Variants in FNIP1 observed in about 807,000 individuals in gnomAD.
FNIP1 encodes folliculin interacting protein 1.
In FNIP1, 40 loss-of-function variants were observed where a neutral mutation model predicts 124.5. The ratio of observed to expected loss-of-function variants is 0.32; its 90% CI spans 0.25 to 0.42. FNIP1 has a LOEUF of 0.42. Among genes scored for constraint, FNIP1 ranks in the 10% least tolerant of loss-of-function variants. FNIP1 has a pLI of 1.00. For missense variants in FNIP1, 1,176 were observed against 1,403.7 expected (o/e 0.84, Z 2.59); for synonymous variants, 472 against 470.6 (o/e 1.00, Z -0.04).
chr5:131,661,900 G>A (rs530247155), intron 15 of FNIP1, among the ~76,000 whole-genome samples: 3 of 152,302 alleles, frequency 2.0e-5, no homozygotes, highest in South Asian at 4.1e-4. Context: ...ATCTGAGGCT[G>A]TAGTGATTCT....
chr5:131,655,821 C>T (rs931889467), intron 15 of FNIP1, among the ~76,000 whole-genome samples: 7 of 151,298 alleles, frequency 4.6e-5, no homozygotes, highest in African/African-American at 4.8e-5. Context: ...CAGAGGCTGA[C>T]GCAGGAGAAT....
Position 131,706,399 on chromosome 5 carries a change from G to C in FNIP1, c.914+12C>G. ...TACTCAATCTTGTTCTGTGTTTAAAGTTCCAACTTACCATCTAGGAAATAC... is the reference window on the plus strand; with the variant it reads ...TACTCAATCTTGTTCTGTGTTTAAACTTCCAACTTACCATCTAGGAAATAC... On this transcript the variant is annotated intron_variant, in intron 9 of 17. Transcript: ENST00000510461. The C allele has an allele frequency of 6.2e-7, 1 of 1,604,338 alleles. No individual in the cohort carries two copies. Among genetic ancestry groups the C allele is most frequent in the Non-Finnish European group, 8.5e-7 (1 of 1,175,386 alleles).
At chr5:131,748,867 G>A (rs558574908) in intron 1 of FNIP1, among the ~76,000 whole-genome samples, 1 of 152,200 alleles carries the variant, frequency 6.6e-6, no homozygotes, top group Admixed American at 6.5e-5. Context: ...TAGCATAAGA[G>A]ATGACAGTTC....
chr5:131,747,070 T>C (rs528037046), intron 1 of FNIP1, among the ~76,000 whole-genome samples: 1 of 152,356 alleles, frequency 6.6e-6, no homozygotes, highest in Admixed American at 6.5e-5. Context: ...TGGTTGGATG[T>C]CTTCTTTTGA....
chr5:131,788,644 T>TGA lies in FNIP1; in HGVS notation c.92+8184_92+8185dup. On this transcript the variant is annotated intron_variant, in intron 1 of 17. Coordinates refer to ENST00000510461, the MANE Select transcript of FNIP1 (RefSeq NM_133372.3). ...TGAACCCGGGAGGCAGAGGTTGCAG[T>TGA]GAGCCGGGATTGTGCCACTGCACTC... Among the ~76,000 whole-genome samples, 3 of 140,016 alleles carry TGA rather than the reference T, an allele frequency of 2.1e-5. No homozygotes were observed. The South Asian group carries it at 6.5e-4, about 30-fold the overall frequency. 91.9% of individuals were successfully genotyped at this position (140,016 alleles called of 152,430 possible).
At chr5:131,717,360 G>A (rs898942196) in intron 5 of FNIP1, among the ~76,000 whole-genome samples, 2 of 152,018 alleles carry the variant, frequency 1.3e-5, no homozygotes, top group African/African-American at 2.4e-5. Flanking sequence ...GTGTATATGC[G>A]CCACATTTTC....
chr5:131,787,672 T>A (rs1015316050), intron 1 of FNIP1, among the ~76,000 whole-genome samples: 1 of 152,204 alleles, frequency 6.6e-6, no homozygotes, highest in Non-Finnish European at 1.5e-5. Context: ...GACCTCTTTA[T>A]AAAGCTATTG....
intron 15 of FNIP1, among the ~76,000 whole-genome samples, chr5:131,663,112 TCATCCC>T (rs918941045): frequency 2.5e-4 from 38 of 152,164 alleles, no homozygotes; most frequent in African/African-American, 9.2e-4. Flanking sequence ...CCTGTTTAAG[TCATCCC>T]CTTAGTTAAG....
At chr5:131,679,824 A>G (rs535520154) in intron 11 of FNIP1, among the ~76,000 whole-genome samples, 1 of 152,346 alleles carries the variant, frequency 6.6e-6, no homozygotes, top group Non-Finnish European at 1.5e-5. Context: ...TAGTCCTGTG[A>G]CTTGTACTTT....
intron 1 of FNIP1, among the ~76,000 whole-genome samples, chr5:131,746,598 A>C (rs1770690283): frequency 6.6e-6 from 1 of 152,164 alleles, no homozygotes; most frequent in Non-Finnish European, 1.5e-5. Flanking sequence ...GCTGCAAAGG[A>C]CTGGATTTCA....
intron 1 of FNIP1, among the ~76,000 whole-genome samples, chr5:131,752,420 C>A (rs574874014): frequency 6.6e-6 from 1 of 151,788 alleles, no homozygotes; most frequent in African/African-American, 2.4e-5. Context: ...TAAAGAAACA[C>A]AGGTGATTAT....
intron 1 of FNIP1, among the ~76,000 whole-genome samples, chr5:131,747,162 CT>C (rs1432771725): frequency 2.0e-5 from 3 of 152,096 alleles, no homozygotes; most frequent in African/African-American, 7.2e-5. Context: ...CTTATAGATT[CT>C]GTATATTAGA....
intron 11 of FNIP1, among the ~76,000 whole-genome samples, chr5:131,692,466 C>T (rs1489893756): frequency 4.6e-5 from 7 of 152,068 alleles, no homozygotes; most frequent in East Asian, 1.9e-4. Flanking sequence ...ATTGTTAAAA[C>T]GTCAATTCTT....
intron 16 of FNIP1, among the ~76,000 whole-genome samples, chr5:131,649,189 A>T (rs1474533272): frequency 6.6e-6 from 1 of 152,204 alleles, no homozygotes; most frequent in Non-Finnish European, 1.5e-5. Flanking sequence ...GAATTAATAG[A>T]TCATATGGTA....
intron 1 of FNIP1, among the ~76,000 whole-genome samples, chr5:131,777,358 C>T (rs1017016577): frequency 2.0e-5 from 3 of 151,556 alleles, no homozygotes; most frequent in African/African-American, 7.3e-5. Flanking sequence ...CTCTAGAATA[C>T]AGTGTGATAC....
At chr5:131,698,657 T>C (rs900329144) in intron 11 of FNIP1, among the ~76,000 whole-genome samples, 4 of 152,194 alleles carry the variant, frequency 2.6e-5, no homozygotes, top group African/African-American at 9.7e-5. Flanking sequence ...ATACTTTTGC[T>C]AGAACAAGGG....
intron 1 of FNIP1, among the ~76,000 whole-genome samples, chr5:131,791,945 C>G (rs1401190321): frequency 6.6e-6 from 1 of 151,838 alleles, no homozygotes; most frequent in Non-Finnish European, 1.5e-5. Context: ...AAAAGCCATC[C>G]TTTAATGAGT....
intron 3 of FNIP1, among the ~76,000 whole-genome samples, chr5:131,728,041 G>A (rs111337540): frequency 0.018 from 2,702 of 152,302 alleles, 84 homozygotes; most frequent in African/African-American, 0.061. Context: ...TCTGCAGAGA[G>A]ATCCACTGTT....
chr5:131,647,037 T>G, intron 17 of FNIP1, 53 bp downstream of exon 17: 1 of 1,493,308 alleles, frequency 6.7e-7, no homozygotes, highest in Non-Finnish European at 9.3e-7. Flanking sequence ...GAAAATTCCT[T>G]GCCTGATGAC....
Sources: gnomAD v4.1 joint callset for allele counts (sites outside exome capture counted in the v4.1 genomes callset) on GRCh38, gnomAD v4.1.1 for gene constraint, MANE v1.5 for transcripts, NCBI Gene and HGNC (gene_info 2026-07-23, HGNC 2026-07-21) for gene names.